Variants in TGFBRAP1 observed in about 807,000 individuals in gnomAD.
TGFBRAP1 encodes transforming growth factor-beta receptor-associated protein 1.
In TGFBRAP1, 20 loss-of-function variants were observed where a neutral mutation model predicts 83.2. That is an observed-to-expected ratio of 0.24 (90% confidence interval 0.17 to 0.35). The LOEUF is 0.35. TGFBRAP1 is among the 10% of genes least tolerant of loss of function. The probability of loss-of-function intolerance (pLI) is 1.00; values close to 1 mark genes in which losing one functional copy is unlikely to be tolerated. For missense variants in TGFBRAP1, 950 were observed against 1,099.4 expected (o/e 0.86, Z 1.92); for synonymous variants, 415 against 459.8 (o/e 0.90, Z 1.25).
chr2:105,278,803 G>C (rs941400693), intron 6 of TGFBRAP1, among the ~76,000 whole-genome samples: 1 of 151,968 alleles, frequency 6.6e-6, no homozygotes, highest in African/African-American at 2.4e-5. Context: ...CAACCTTTTG[G>C]AAAGTCATGC....
At chr2:105,283,007 G>C (rs1333043428) in intron 5 of TGFBRAP1, among the ~76,000 whole-genome samples, 1 of 152,096 alleles carries the variant, frequency 6.6e-6, no homozygotes, top group African/African-American at 2.4e-5. Context: ...TCCATCTGTG[G>C]ACAATCACCT....
the TGFBRAP1 span, among the ~76,000 whole-genome samples, chr2:105,258,533 G>A: frequency 6.6e-6 from 1 of 151,212 alleles, no homozygotes; most frequent in Non-Finnish European, 1.5e-5. Context: ...ATCTTCTCCT[G>A]CCCTTAGACT....
intron 2 of TGFBRAP1, among the ~76,000 whole-genome samples, chr2:105,304,970 T>G (rs796250010): frequency 2.0e-5 from 3 of 152,232 alleles, no homozygotes; most frequent in African/African-American, 7.2e-5. Context: ...CACAAAGGAC[T>G]TTTAAGGTGG....
intron 1 of TGFBRAP1, among the ~76,000 whole-genome samples, chr2:105,315,651 G>A (rs928615202): frequency 2.0e-5 from 3 of 152,124 alleles, no homozygotes; most frequent in African/African-American, 4.8e-5. Flanking sequence ...GCCACAATGA[G>A]CTATCACTTC....
chr2:105,290,724 G>C (rs11897290), intron 4 of TGFBRAP1, among the ~76,000 whole-genome samples: 2,711 of 151,444 alleles, frequency 0.018, 91 homozygotes, highest in African/African-American at 0.062. Context: ...TCCAAAACCA[G>C]CTGGGCAAGG....
At chr2:105,306,140 G>A (rs1419655031) in intron 2 of TGFBRAP1, among the ~76,000 whole-genome samples, 3 of 145,180 alleles carry the variant, frequency 2.1e-5, no homozygotes, top group East Asian at 2.2e-4. Flanking sequence ...TCAGCTCACC[G>A]CAACTGCTGC....
intron 11 of TGFBRAP1, among the ~76,000 whole-genome samples, chr2:105,268,262 GACA>G (rs1558809887): frequency 1.3e-5 from 2 of 152,116 alleles, no homozygotes; most frequent in African/African-American, 4.8e-5. Flanking sequence ...AGATGCCTTC[GACA>G]TGGCAGGCTT....
At chr2:105,311,079 A>T (rs1678673257) in intron 1 of TGFBRAP1, among the ~76,000 whole-genome samples, 1 of 151,934 alleles carries the variant, frequency 6.6e-6, no homozygotes, top group Non-Finnish European at 1.5e-5. Flanking sequence ...TATAGAAAGA[A>T]TCAAACGCCT....
intron 1 of TGFBRAP1, among the ~76,000 whole-genome samples, chr2:105,309,061 C>T (rs1678613429): frequency 6.6e-6 from 1 of 152,232 alleles, no homozygotes; most frequent in Non-Finnish European, 1.5e-5. Context: ...GATGTGTGGA[C>T]CGACCGGTCC....
Position 105,269,558 on chromosome 2 carries a change from C to T in TGFBRAP1, c.2120G>A (p.Arg707Gln), listed in dbSNP as rs768567840. The T allele has an allele frequency of 8.0e-5, 129 of 1,611,524 alleles. No individual in the cohort carries two copies. Among genetic ancestry groups the T allele is most frequent in the Non-Finnish European group, 1.0e-4 (118 of 1,178,800 alleles). Residue 707 changes from arginine (R) to glutamine (Q), a missense_variant, in exon 11 of 12, where the codon CGA becomes CAA. Coordinates refer to ENST00000393359, the MANE Select transcript of TGFBRAP1 (RefSeq NM_004257.6). This position sits in a 1 kb window ranked among gnomAD's most constrained non-coding sequence, Gnocchi z 4.1. Reference sequence around the variant, plus strand: ...GAGTTGCTGGCGGTGGGGTGGGTCTCGGCCCTCGGAGCACCACAGGCAGTA... The same window carrying T: ...GAGTTGCTGGCGGTGGGGTGGGTCTTGGCCCTCGGAGCACCACAGGCAGTA... Reference protein sequence around the residue: ...EDYCLWCSEGRDPPHRQQLFH... With the variant: ...EDYCLWCSEGQDPPHRQQLFH...
intron 5 of TGFBRAP1, among the ~76,000 whole-genome samples, chr2:105,283,563 A>G (rs1677614121): frequency 1.3e-5 from 2 of 152,248 alleles, no homozygotes; most frequent in South Asian, 4.1e-4. Context: ...GTGCCTGAGT[A>G]CGATATTTCA....
intron 4 of TGFBRAP1, among the ~76,000 whole-genome samples, chr2:105,287,664 G>C (rs192986540): frequency 6.6e-6 from 1 of 152,098 alleles, no homozygotes; most frequent in Non-Finnish European, 1.5e-5. Context: ...GGGTGTGGCC[G>C]TCACAACAGT....
At chr2:105,292,520 C>T (rs1364942118) in intron 4 of TGFBRAP1, among the ~76,000 whole-genome samples, 2 of 151,824 alleles carry the variant, frequency 1.3e-5, no homozygotes, top group Non-Finnish European at 1.5e-5. Context: ...TCAAGGTAAT[C>T]ATTAAAACAA....
rs755702142 is a variant in TGFBRAP1 at position 105,307,926 on chromosome 2, C to A, written c.376G>T (p.Glu126Ter). The A allele has an allele frequency of 6.2e-7, 1 of 1,614,120 alleles. No homozygotes were observed. The highest frequency in any genetic ancestry group is 8.5e-7 in the Non-Finnish European group (1 of 1,180,054). ...IKGAATFALN[E>*]NPVSGDPFCV... is the part of the protein sequence containing the mutation. ...AAGGGGTCCCCACTCACAGGGTTCT[C>A]GTTCAGTGCAAACGTGGCTGCCCCC... Residue 126 changes from glutamate to a stop codon, truncating the protein, a stop_gained, in exon 2 of 12, where the codon GAG becomes TAG. Transcript: ENST00000393359. LOFTEE classifies it high-confidence loss of function.
At position 105,274,907 on chromosome 2, in the gene TGFBRAP1, G is replaced by A. The variant is rs554841355; in HGVS notation, c.1665+653C>T. On this transcript the variant is annotated intron_variant, in intron 8 of 11. Transcript: ENST00000393359. ...TGGAAGCGTATACGTTTTTCACGATGAGAACTGAAATGCTTGCTGTCTTCT... is the reference window on the plus strand; with the variant it reads ...TGGAAGCGTATACGTTTTTCACGATAAGAACTGAAATGCTTGCTGTCTTCT... Among the ~76,000 whole-genome samples, 7 of 152,344 alleles carry A rather than the reference G, an allele frequency of 4.6e-5. No homozygotes were observed. In the East Asian group the frequency reaches 1.4e-3, roughly 29 times the overall value.
chr2:105,317,105 A>G (rs559865286), intron 1 of TGFBRAP1, among the ~76,000 whole-genome samples: 8 of 152,236 alleles, frequency 5.3e-5, no homozygotes, highest in Non-Finnish European at 1.0e-4. Context: ...GAATACAAGT[A>G]CAGTATTTGT....
At chr2:105,287,128 C>T (rs1024509494) in intron 4 of TGFBRAP1, among the ~76,000 whole-genome samples, 76 of 151,082 alleles carry the variant, frequency 5.0e-4, no homozygotes, top group African/African-American at 1.7e-3. Flanking sequence ...TCCCCGGATG[C>T]GAGGTCCCTA....
chr2:105,254,905 T>C, the TGFBRAP1 span, among the ~76,000 whole-genome samples: 2 of 152,170 alleles, frequency 1.3e-5, no homozygotes, highest in East Asian at 3.9e-4. Context: ...AGGGGCCATC[T>C]GAAGCCAGGA....
intron 1 of TGFBRAP1, among the ~76,000 whole-genome samples, chr2:105,329,358 C>T (rs1233698026): frequency 6.6e-6 from 1 of 152,070 alleles, no homozygotes; most frequent in Non-Finnish European, 1.5e-5. Context: ...CACGTGAACA[C>T]TTATTTGCTC....
Sources: allele counts gnomAD v4.1 joint callset (sites outside exome capture counted in the v4.1 genomes callset), GRCh38; gene constraint gnomAD v4.1.1; non-coding constraint Gnocchi (gnomAD v3.1); transcripts MANE v1.5; gene names NCBI Gene and HGNC (gene_info 2026-07-23, HGNC 2026-07-21).